CARD19: variants seen among roughly 807,000 people sequenced by gnomAD.
CARD19 encodes caspase recruitment domain family member 19.
Under a neutral mutation model 24.1 loss-of-function variants are expected in CARD19, and 25 were observed. The ratio of observed to expected loss-of-function variants is 1.04; its 90% CI spans 0.76 to 1.45. The LOEUF is 1.45. CARD19 is among the 40% of genes most tolerant of loss of function. CARD19 has a pLI of 0.00. For missense variants in CARD19, 241 were observed against 247.4 expected (o/e 0.97, Z 0.17); for synonymous variants, 103 against 104.9 (o/e 0.98, Z 0.11).
chr9:93,111,509 C>T (rs1330869905), intron 3 of CARD19: 6 of 1,134,412 alleles, frequency 5.3e-6, no homozygotes, highest in Non-Finnish European at 6.5e-6. Flanking sequence ...CCTCACAGAA[C>T]ACAGTGCAGA....
At position 93,096,398 on chromosome 9, in the gene CARD19, T is replaced by G. The variant is rs1456566676; in HGVS notation, c.7+46T>G. ...GCGGCAGGGATGCGGGCGCCCTGGA[T>G]GGGTGGCCCGGCCCGGGGGTCCGGC... On this transcript the variant is annotated intron_variant, in intron 1 of 5. Transcript: ENST00000375464. The surrounding 1 kb of genome is among the most constrained non-coding windows in gnomAD (Gnocchi z 5.4). 6 of 1,222,948 alleles carry G rather than the reference T, an allele frequency of 4.9e-6. No homozygotes were observed. The African/African-American group carries it at 9.4e-5, about 19-fold the overall frequency. The allele number at this position is 1,222,948 out of a possible 1,614,324, so 75.8% of individuals were successfully genotyped here.
Position 93,107,831 on chromosome 9 carries a change from A to AG in CARD19, c.150+21dup, listed in dbSNP as rs1827323821. 2 of 1,614,078 alleles carry AG rather than the reference A, an allele frequency of 1.2e-6. No individual in the cohort carries two copies. The highest frequency in any genetic ancestry group is 2.2e-5 in the East Asian group (1 of 44,878). ...AGGCGGAAAAGGTGCTGAGGAGGTG[A>AG]GGGGGGTACCCGAGACACTGCTCAG... is the stretch of plus-strand genomic sequence containing the variant. On this transcript the variant is annotated intron_variant, in intron 2 of 5. Coordinates refer to ENST00000375464, the MANE Select transcript of CARD19 (RefSeq NM_032310.5).
intron 1 of CARD19, among the ~76,000 whole-genome samples, chr9:93,097,416 C>G (rs1826917328): frequency 6.6e-6 from 1 of 152,184 alleles, no homozygotes; most frequent in Non-Finnish European, 1.5e-5. Flanking sequence ...CCTTCTAACT[C>G]TTCTTATTTG....
chr9:93,100,618 T>G (rs1827042646), intron 1 of CARD19, among the ~76,000 whole-genome samples: 1 of 152,270 alleles, frequency 6.6e-6, no homozygotes, highest in South Asian at 2.1e-4. Flanking sequence ...TCAGTGATAC[T>G]AAATACACTC....
intron 2 of CARD19, chr9:93,110,087 G>A (rs562381377): frequency 3.4e-4 from 55 of 160,870 alleles, no homozygotes; most frequent in Admixed American, 1.2e-3. Flanking sequence ...TCCGCCTCCC[G>A]GGTTCACACC....
chr9:93,105,090 T>C (rs1361376619), intron 1 of CARD19, among the ~76,000 whole-genome samples: 1 of 152,186 alleles, frequency 6.6e-6, no homozygotes, highest in African/African-American at 2.4e-5. Context: ...TTTTAATATA[T>C]GCATTTGCAA....
intron 1 of CARD19, among the ~76,000 whole-genome samples, chr9:93,098,436 A>C (rs1313152639): frequency 6.6e-6 from 1 of 152,148 alleles, no homozygotes; most frequent in African/African-American, 2.4e-5. Context: ...CTGGGCTGAT[A>C]AGAAGGTTCA....
At chr9:93,111,056 T>G in intron 3 of CARD19, 4 of 1,357,184 alleles carry the variant, frequency 2.9e-6, no homozygotes, top group Admixed American at 2.2e-5. Flanking sequence ...GATCCCTTCA[T>G]GTCTGTGTGG....
At chr9:93,103,885 C>T (rs1381581855) in intron 1 of CARD19, among the ~76,000 whole-genome samples, 1 of 152,172 alleles carries the variant, frequency 6.6e-6, no homozygotes, top group Non-Finnish European at 1.5e-5. Context: ...ACAGTAGAGC[C>T]CTCATGACCT....
At chr9:93,111,822 T>C in intron 3 of CARD19, 57 bp from the exon 4 acceptor site, 1 of 1,590,868 alleles carries the variant, frequency 6.3e-7, no homozygotes, top group Admixed American at 1.7e-5. Context: ...GCGGGGTGAC[T>C]ACCTTGCCCT....
rs33945538 is a variant in CARD19 at position 93,110,714 on chromosome 9, C to T, written c.297C>T (p.His99=). 93,891 of 1,610,790 alleles carry T rather than the reference C, an allele frequency of 0.058. 3,205 individuals carry two copies. Among genetic ancestry groups the T allele is most frequent in the Non-Finnish European group, 0.068 (80,654 of 1,179,686 alleles). The change falls in exon 3 of 6, where the codon CAC becomes CAT. Residue 99 remains histidine, a synonymous_variant. Transcript: ENST00000375464. ...QPLHSRLPSR[H]ALQNSDCTEL... ...TGCACAGCCGCCTGCCCAGCCGCCA[C>T]GCTCTGCGTAAGTTCCACATCACCA...
intron 1 of CARD19, among the ~76,000 whole-genome samples, chr9:93,103,101 G>T (rs4743882): frequency 0.63 from 95,529 of 152,042 alleles, 33,484 homozygotes; most frequent in Non-Finnish European, 0.77. Context: ...TTACAATTTG[G>T]ATGCCTTTTA....
intron 5 of CARD19, among the ~76,000 whole-genome samples, chr9:93,112,688 C>A (rs945222009): frequency 1.1e-4 from 16 of 152,184 alleles, no homozygotes; most frequent in Non-Finnish European, 2.1e-4. Flanking sequence ...CTACTGGCAC[C>A]CAGCCTGGCC....
At chr9:93,101,173 G>A (rs930290580) in intron 1 of CARD19, among the ~76,000 whole-genome samples, 3 of 152,094 alleles carry the variant, frequency 2.0e-5, no homozygotes, top group Non-Finnish European at 4.4e-5. Flanking sequence ...CGCCTCCTGG[G>A]TTCAAGTGAT....
intron 1 of CARD19, among the ~76,000 whole-genome samples, chr9:93,101,220 G>A (rs1827067997): frequency 6.6e-6 from 1 of 152,078 alleles, no homozygotes; most frequent in Admixed American, 6.5e-5. Flanking sequence ...TGGCACTACA[G>A]GCGAGTGCCA....
At chr9:93,101,375 G>A (rs906528059) in intron 1 of CARD19, among the ~76,000 whole-genome samples, 1 of 151,598 alleles carries the variant, frequency 6.6e-6, no homozygotes, top group African/African-American at 2.4e-5. Context: ...CACCACCCTC[G>A]ACTGAGTTCC....
chr9:93,107,510 A>T (rs183675977), intron 1 of CARD19, among the ~76,000 whole-genome samples, 164 bp from the exon 2 acceptor site: 2 of 152,270 alleles, frequency 1.3e-5, no homozygotes, highest in Admixed American at 1.3e-4. Flanking sequence ...CAGCTGGGCA[A>T]TGCGCACCAC....
chr9:93,099,273 T>A (rs1826994559), intron 1 of CARD19, among the ~76,000 whole-genome samples: 1 of 152,202 alleles, frequency 6.6e-6, no homozygotes, highest in African/African-American at 2.4e-5. Context: ...AAGTGGGCAA[T>A]GCTGGAGAGG....
At chr9:93,098,261 C>T (rs1826954190) in intron 1 of CARD19, among the ~76,000 whole-genome samples, 1 of 152,190 alleles carries the variant, frequency 6.6e-6, no homozygotes, top group African/African-American at 2.4e-5. Flanking sequence ...CTCAGGAAGG[C>T]CTTTTGCACG....
Sources: allele counts gnomAD v4.1 joint callset (sites outside exome capture counted in the v4.1 genomes callset), GRCh38; gene constraint gnomAD v4.1.1; non-coding constraint Gnocchi (gnomAD v3.1); transcripts MANE v1.5; gene names NCBI Gene and HGNC (gene_info 2026-07-23, HGNC 2026-07-21).